TMEM100: variants seen among roughly 807,000 people sequenced by gnomAD.
The protein encoded by TMEM100 is transmembrane protein 100.
For synonymous variants in TMEM100, 61 were observed against 67.1 expected (o/e 0.91, Z 0.44); for missense variants, 137 against 168.2 (o/e 0.81, Z 1.02).
intron 1 of TMEM100, among the ~76,000 whole-genome samples, chr17:55,729,913 G>A (rs1909163223): frequency 6.6e-6 from 1 of 152,040 alleles, no homozygotes; most frequent in Non-Finnish European, 1.5e-5. Flanking sequence ...TTTCTCCAGT[G>A]GTTACTACTC....
At chr17:55,727,647 G>A (rs546304089), upstream of TMEM100, among the ~76,000 whole-genome samples, 124 of 152,288 alleles carry the variant, frequency 8.1e-4, no homozygotes, top group African/African-American at 2.8e-3. Context: ...CCTAATCGCT[G>A]TACAATTTCT....
chr17:55,730,951 G>A (rs943914395), intron 1 of TMEM100, among the ~76,000 whole-genome samples: 6 of 152,120 alleles, frequency 3.9e-5, no homozygotes, highest in Non-Finnish European at 5.9e-5. Flanking sequence ...CTTTGAAAAA[G>A]CAATGTAAAA....
In TMEM100 at chr17:55,720,534, CCCT is replaced by C; in HGVS notation, c.*129_*131del. 4.8e-6 allele frequency: 4 copies of C among 833,392 alleles called. No individual in the cohort carries two copies. The highest frequency in any genetic ancestry group is 5.4e-6 in the Non-Finnish European group (3 of 558,988). The allele number at this position is 833,392 out of a possible 1,614,324, so 51.6% of individuals were successfully genotyped here. A position where few individuals can be genotyped will look rare whatever the true frequency, so the allele number is the denominator to read the frequency against. On this transcript the variant is annotated 3_prime_UTR_variant, in exon 2 of 2. Coordinates refer to ENST00000424486, the MANE Select transcript of TMEM100 (RefSeq NM_018286.3). ...TCCTCACAAAGGAGAAGCCCCTCCA[CCCT>C]CCCACCCCCATTCTTCCAGTCTGCT...
At position 55,720,081 on chromosome 17, in the gene TMEM100, C is replaced by A. The variant is rs1370489693; in HGVS notation, c.*585G>T. ...TTTCTTTACTTCTGATACATCATTA[C>A]AACTGGCTAACACTGTCCAATGTTA... is the stretch of plus-strand genomic sequence containing the variant. On this transcript the variant is annotated 3_prime_UTR_variant, in exon 2 of 2. Coordinates refer to ENST00000424486, the MANE Select transcript of TMEM100 (RefSeq NM_018286.3). The A allele has an allele frequency of 2.0e-5, 3 of 152,542 alleles. No individual in the cohort carries two copies. The highest frequency in any genetic ancestry group is 4.4e-5 in the Non-Finnish European group (3 of 68,064). 9.4% of individuals were successfully genotyped at this position (152,542 alleles called of 1,614,324 possible). A position where few individuals can be genotyped will look rare whatever the true frequency, so the allele number is the denominator to read the frequency against.
At position 55,720,779 on chromosome 17, in the gene TMEM100, A is replaced by G. The variant is rs141365411; in HGVS notation, c.292T>C (p.Phe98Leu). 372 of 1,614,120 alleles carry G rather than the reference A, an allele frequency of 2.3e-4. 1 individual carries two copies. Among genetic ancestry groups the G allele is most frequent in the Middle Eastern group, 8.2e-4 (5 of 6,084 alleles). Residue 98 changes from phenylalanine to leucine, a missense_variant, in exon 2 of 2, where the codon TTT (phenylalanine) becomes CTT (leucine). Physicochemically the swap from Phe to Leu is conservative, Grantham distance 22 (BLOSUM62 0). Coordinates refer to ENST00000424486, the MANE Select transcript of TMEM100 (RefSeq NM_018286.3). ...CACAAGGCACTGGAGGCTAGTAAAA[A>G]AAGTCCAGATGACAGAACAACCAGG... is the stretch of plus-strand genomic sequence containing the variant. ...FGLVVLSSGL[F>L]LLASSALCWK...
At chr17:55,730,155 G>T (rs1909170708) in intron 1 of TMEM100, among the ~76,000 whole-genome samples, 1 of 152,164 alleles carries the variant, frequency 6.6e-6, no homozygotes, top group East Asian at 1.9e-4. Context: ...GAACATGTTG[G>T]TTGGGAAATC....
At chr17:55,729,269 G>A (rs1156717594) in intron 1 of TMEM100, among the ~76,000 whole-genome samples, 2 of 152,260 alleles carry the variant, frequency 1.3e-5, no homozygotes, top group South Asian at 2.1e-4. Flanking sequence ...TGGCAAACGC[G>A]GACAGGTAGG....
chr17:55,720,846 A>C lies in TMEM100; in HGVS notation c.225T>G (p.Ala75=). ...TAGACCCATGGGAATTGAAGCTGTA[A>C]GCCACCGCGGTGACCACGATGCCGG... is the stretch of plus-strand genomic sequence containing the variant. The part of the protein sequence containing the change: ...FIAGIVVTAV[A]YSFNSHGSII... Residue 75 remains alanine (A), a synonymous_variant, in exon 2 of 2, where the codon GCT becomes GCG. Transcript: ENST00000424486. 6.2e-7 allele frequency: 1 copy of C among 1,614,216 alleles called. No individual in the cohort carries two copies.
upstream of TMEM100, among the ~76,000 whole-genome samples, chr17:55,726,111 A>G (rs1022211220): frequency 2.0e-5 from 3 of 152,184 alleles, no homozygotes; most frequent in Non-Finnish European, 4.4e-5. Context: ...GAGTGGTCCT[A>G]TTGGTGCTCT....
upstream of TMEM100, among the ~76,000 whole-genome samples, chr17:55,727,192 G>A (rs564172032): frequency 3.8e-4 from 58 of 152,278 alleles, no homozygotes; most frequent in African/African-American, 1.3e-3. Flanking sequence ...TGATTTTCTT[G>A]TCTCAAAATC....
rs746151842 is a variant in TMEM100 at position 55,719,877 on chromosome 17, A to G, written c.*789T>C. ...GGGAAGATGGCAATTTGGAACTGCA[A>G]TAGAAATAACTATAGCAGAAACAAC... On this transcript the variant is annotated 3_prime_UTR_variant, in exon 2 of 2. Transcript: ENST00000424486. 7.2e-5 allele frequency: 11 copies of G among 152,702 alleles called. No individual in the cohort carries two copies. Among genetic ancestry groups the G allele is most frequent in the Non-Finnish European group, 1.6e-4 (11 of 68,056 alleles). The allele number at this position is 152,702 out of a possible 1,614,324, so 9.5% of individuals were successfully genotyped here.
At chr17:55,728,868 A>G (rs995266480) in intron 1 of TMEM100, among the ~76,000 whole-genome samples, 17 of 152,334 alleles carry the variant, frequency 1.1e-4, no homozygotes, top group African/African-American at 3.8e-4. Context: ...CATTATAAAT[A>G]GAAAAGGAAA....
chr17:55,720,541 AC>A lies in TMEM100; in HGVS notation c.*124del. The A allele has an allele frequency of 1.7e-6, 1 of 603,380 alleles. No homozygotes were observed. 37.4% of individuals were successfully genotyped at this position (603,380 alleles called of 1,614,324 possible). On this transcript the variant is annotated 3_prime_UTR_variant, in exon 2 of 2. Transcript: ENST00000424486. ...AAAGGAGAAGCCCCTCCACCCTCCC[AC>A]CCCCATTCTTCCAGTCTGCTCCAAC... is the stretch of plus-strand genomic sequence containing the variant.
chr17:55,727,365 C>T (rs1350650297), upstream of TMEM100, among the ~76,000 whole-genome samples: 1 of 152,222 alleles, frequency 6.6e-6, no homozygotes, highest in African/African-American at 2.4e-5. Flanking sequence ...GACAAATGCA[C>T]ACTCCTAGGG....
rs143685003 is a variant in TMEM100 at position 55,720,940 on chromosome 17, G to C, written c.131C>G (p.Ala44Gly). 6.2e-7 allele frequency: 1 copy of C among 1,614,088 alleles called. No individual in the cohort carries two copies. The highest frequency in any genetic ancestry group is 8.5e-7 in the Non-Finnish European group (1 of 1,180,040). The change falls in exon 2 of 2, where the codon GCT becomes GGT. Residue 44 changes from alanine (A) to glycine (G), a missense_variant. Transcript: ENST00000424486. ...GGAGAGCTCGGTACCCCCTGTAGCAGCCATCAACTGAATCTCACTGACCAG... is the reference window on the plus strand; with the variant it reads ...GGAGAGCTCGGTACCCCCTGTAGCACCCATCAACTGAATCTCACTGACCAG... Reference protein sequence around the residue: ...VPLVSEIQLMAATGGTELSCY... With the variant: ...VPLVSEIQLMGATGGTELSCY...
chr17:55,730,078 AT>A (rs886839560), intron 1 of TMEM100, among the ~76,000 whole-genome samples: 4 of 152,190 alleles, frequency 2.6e-5, no homozygotes, highest in Non-Finnish European at 5.9e-5. Context: ...CTACAGATTT[AT>A]TTTGGAATGT....
intron 1 of TMEM100, among the ~76,000 whole-genome samples, chr17:55,728,632 G>T (rs1243088074): frequency 2.0e-5 from 3 of 152,224 alleles, no homozygotes; most frequent in African/African-American, 7.2e-5. Flanking sequence ...CTCTAGCTGA[G>T]CAGATGCAAA....
chr17:55,720,688 T>C lies in TMEM100; in HGVS notation c.383A>G (p.Asn128Ser). 1.2e-6 allele frequency: 2 copies of C among 1,609,864 alleles called. No individual in the cohort carries two copies. Among genetic ancestry groups the C allele is most frequent in the Non-Finnish European group, 8.5e-7 (1 of 1,178,350 alleles). The change falls in exon 2 of 2, where the codon AAT (asparagine) becomes AGT (serine). Residue 128 changes from asparagine to serine, a missense_variant. Transcript: ENST00000424486. The stretch of plus-strand genomic sequence containing the variant: ...GTCTCAAGCAAACAAGCTTCTCTGA[T>C]TTGCCACGAGAGCTGTTTGACTCTC... ...RRESQTALVA[N>S]QRSLFA
At position 55,720,716 on chromosome 17, in the gene TMEM100, G is replaced by A. The variant is rs373698469; in HGVS notation, c.355C>T (p.Arg119Trp). The change falls in exon 2 of 2, where the codon CGG becomes TGG. Residue 119 changes from arginine (R) to tryptophan (W), a missense_variant. Arg to Trp is a moderately radical substitution (Grantham distance 101). Transcript: ENST00000424486. ...GCCACGAGAGCTGTTTGACTCTCCC[G>A]TCTCTTGGCTTTCTTGCTCCTTTGT... ...VRQRSKKAKR[R>W]ESQTALVANQ... The A allele has an allele frequency of 2.3e-5, 37 of 1,613,846 alleles. No homozygotes were observed. Among genetic ancestry groups the A allele is most frequent in the African/African-American group, 6.7e-5 (5 of 74,902 alleles).
Sources: allele counts gnomAD v4.1 joint callset (sites outside exome capture counted in the v4.1 genomes callset), GRCh38; gene constraint gnomAD v4.1.1; transcripts MANE v1.5; gene names NCBI Gene and HGNC (gene_info 2026-07-23, HGNC 2026-07-21).